RNF169: variants seen among roughly 807,000 people sequenced by gnomAD.
The protein encoded by RNF169 is ring finger protein 169, also known as E3 ubiquitin-protein ligase RNF169.
In RNF169, 24 loss-of-function variants were observed where a neutral mutation model predicts 53.9. That is an observed-to-expected ratio of 0.45 (90% CI 0.32 to 0.63). The LOEUF is 0.63. RNF169 is among the 20% of genes least tolerant of loss of function. RNF169 has a pLI of 0.04. For synonymous variants in RNF169, 396 were observed against 363.5 expected, an observed-to-expected ratio of 1.09 and a Z score of -1.02; for missense variants, 883 against 906.2, an observed-to-expected ratio of 0.97 and a Z score of 0.33.
chr11:74,772,349 A>C (rs1251232320), intron 1 of RNF169, among the ~76,000 whole-genome samples: 1 of 152,190 alleles, frequency 6.6e-6, no homozygotes, highest in African/African-American at 2.4e-5. Flanking sequence ...GGTCTGTAAA[A>C]AGTAAATACT....
intron 3 of RNF169, among the ~76,000 whole-genome samples, chr11:74,815,042 T>C (rs889144994): frequency 3.4e-4 from 52 of 152,208 alleles, no homozygotes; most frequent in African/African-American, 1.2e-3. Context: ...ATCTTTCTTT[T>C]CCTTTTTTTT....
chr11:74,778,918 AT>A (rs562507540), intron 1 of RNF169, among the ~76,000 whole-genome samples: 5 of 152,216 alleles, frequency 3.3e-5, no homozygotes, highest in Non-Finnish European at 7.3e-5. Flanking sequence ...TATCAGGTGC[AT>A]TTACCATACA....
intron 4 of RNF169, chr11:74,831,641 A>T (rs774543257): frequency 6.6e-5 from 10 of 151,940 alleles, no homozygotes; most frequent in Non-Finnish European, 1.3e-4. Context: ...GGACAAACAT[A>T]CCAAAACACA....
At chr11:74,791,949 C>A (rs2035586029) in intron 2 of RNF169, among the ~76,000 whole-genome samples, 1 of 152,242 alleles carries the variant, frequency 6.6e-6, no homozygotes, top group African/African-American at 2.4e-5. Flanking sequence ...TCACAGTGCC[C>A]ACTCCAGGCA....
At position 74,840,204 on chromosome 11, in the gene RNF169, A is replaced by G. The variant is rs1466963875; in HGVS notation, c.*3474A>G. ...GAGCTTCAGACTTGAGCCAACCCTG[A>G]GCTGGACTGTGGAGATAAAGCAGTT... On this transcript the variant is annotated 3_prime_UTR_variant, in exon 6 of 6. Transcript: ENST00000299563. 1 of 152,156 alleles carries G rather than the reference A, an allele frequency of 6.6e-6. No individual in the cohort carries two copies. Among genetic ancestry groups the G allele is most frequent in the Non-Finnish European group, 1.5e-5 (1 of 68,032 alleles). 9.4% of individuals were successfully genotyped at this position (152,156 alleles called of 1,614,324 possible).
intron 1 of RNF169, among the ~76,000 whole-genome samples, chr11:74,785,535 T>C (rs1292413400): frequency 6.6e-6 from 1 of 151,966 alleles, no homozygotes; most frequent in African/African-American, 2.4e-5. Context: ...TTAATATCAC[T>C]TTGGACCAAT....
intron 1 of RNF169, among the ~76,000 whole-genome samples, chr11:74,769,554 C>G (rs1161485128): frequency 6.6e-6 from 1 of 151,918 alleles, no homozygotes; most frequent in African/African-American, 2.4e-5. Context: ...CACTGTAGTA[C>G]TAGAAAATGT....
chr11:74,793,714 TATC>T (rs1446384946), intron 2 of RNF169, among the ~76,000 whole-genome samples: 1 of 152,238 alleles, frequency 6.6e-6, no homozygotes, highest in Non-Finnish European at 1.5e-5. Flanking sequence ...TTCTAAATTT[TATC>T]ATTCTGTGAA....
chr11:74,775,256 C>T (rs2035316209), intron 1 of RNF169, among the ~76,000 whole-genome samples: 1 of 152,124 alleles, frequency 6.6e-6, no homozygotes, highest in Admixed American at 6.5e-5. Context: ...GTCTGAACAC[C>T]TGTGGAGGTA....
In RNF169 at chr11:74,758,316, C is replaced by A. The variant is rs1289044486; in HGVS notation, c.502+8934C>A. Among the ~76,000 whole-genome samples, 10 of 144,532 alleles carry A rather than the reference C, an allele frequency of 6.9e-5. No homozygotes were observed. In the East Asian group the frequency reaches 2.0e-3, roughly 29 times the overall value. The allele number at this position is 144,532 out of a possible 152,430, so 94.8% of individuals were successfully genotyped here. ...CAAAGATCAGATAGTTGTTGGTATGCGGCGTTATTTCTGAGGGCTCTGTTC... is the reference window on the plus strand; with the variant it reads ...CAAAGATCAGATAGTTGTTGGTATGAGGCGTTATTTCTGAGGGCTCTGTTC... On this transcript the variant is annotated intron_variant, in intron 1 of 5. Transcript: ENST00000299563.
chr11:74,826,834 G>C (rs1166102212), intron 4 of RNF169, among the ~76,000 whole-genome samples: 2 of 152,242 alleles, frequency 1.3e-5, no homozygotes, highest in Admixed American at 6.5e-5. Context: ...TGGTGCAAGA[G>C]GTGGGCTCCC....
At chr11:74,786,626 T>A (rs1196673111) in intron 1 of RNF169, among the ~76,000 whole-genome samples, 1 of 152,222 alleles carries the variant, frequency 6.6e-6, no homozygotes, top group Non-Finnish European at 1.5e-5. Context: ...ATTTAAAGAA[T>A]GCTGTCCCAC....
rs1234257198 is a variant in RNF169, at chr11:74,761,979, A to G, written c.502+12597A>G. Among the ~76,000 whole-genome samples the G allele has an allele frequency of 2.3e-3, 339 of 145,444 alleles. 2 individuals carry two copies. Among genetic ancestry groups the G allele is most frequent in the African/African-American group, 8.6e-3 (331 of 38,526 alleles). ...ATTTGGTCTTTTCACATAGTCCCAT[A>G]TTTCTTGGAGGCTTTGCTCATTTCT... On this transcript the variant is annotated intron_variant, in intron 1 of 5. Transcript: ENST00000299563.
intron 2 of RNF169, among the ~76,000 whole-genome samples, chr11:74,792,323 A>G (rs909318492): frequency 2.7e-4 from 41 of 152,232 alleles, no homozygotes; most frequent in African/African-American, 9.9e-4. Flanking sequence ...TTTTGAAGCT[A>G]TCAGCTGGAA....
At chr11:74,835,447 G>C in intron 5 of RNF169, 99 bp from the exon 6 acceptor site, 1 of 875,652 alleles carries the variant, frequency 1.1e-6, no homozygotes, top group East Asian at 2.4e-5. Context: ...CCCTTTTCTT[G>C]TCCTCCCCTT....
At chr11:74,812,951 A>C (rs533784800) in intron 3 of RNF169, among the ~76,000 whole-genome samples, 3 of 152,314 alleles carry the variant, frequency 2.0e-5, no homozygotes, top group African/African-American at 7.2e-5. Flanking sequence ...GCTTTCCCCC[A>C]AATACATACA....
At position 74,749,216 on chromosome 11, in the gene RNF169, C is replaced by T. The variant is rs1315530428; in HGVS notation, c.336C>T (p.Gly112=). The T allele has an allele frequency of 8.3e-6, 9 of 1,088,654 alleles. No individual in the cohort carries two copies. The highest frequency in any genetic ancestry group is 2.2e-6 in the Non-Finnish European group (2 of 899,156). 67.4% of individuals were successfully genotyped at this position (1,088,654 alleles called of 1,614,324 possible). A position where few individuals can be genotyped will look rare whatever the true frequency, so the allele number is the denominator to read the frequency against. The change falls in exon 1 of 6, where the codon GGC becomes GGT. Residue 112 remains glycine, a synonymous_variant. Transcript: ENST00000299563. ...GCPRCRARGP[G]WARRRARDDG... is the part of the protein sequence containing the mutation. ...CTCGCTGCCGCGCCCGCGGCCCAGG[C>T]TGGGCCCGCCGTCGGGCCCGCGACG...
intron 1 of RNF169, among the ~76,000 whole-genome samples, chr11:74,784,680 G>C (rs1200831963): frequency 1.3e-5 from 2 of 152,202 alleles, no homozygotes; most frequent in African/African-American, 4.8e-5. Flanking sequence ...TAGAATTTCA[G>C]ATTCCCCGCA....
At chr11:74,769,230 A>G (rs1212288889) in intron 1 of RNF169, among the ~76,000 whole-genome samples, 1 of 152,226 alleles carries the variant, frequency 6.6e-6, no homozygotes, top group East Asian at 1.9e-4. Flanking sequence ...CATTTCATAG[A>G]AGAAGGAAAC....
Sources: allele counts gnomAD v4.1 joint callset (sites outside exome capture counted in the v4.1 genomes callset), GRCh38; gene constraint gnomAD v4.1.1; transcripts MANE v1.5; gene names NCBI Gene and HGNC (gene_info 2026-07-23, HGNC 2026-07-21).